Variants in ADAM10 observed in about 807,000 individuals in gnomAD.
ADAM10 encodes ADAM metallopeptidase domain 10, also known as disintegrin and metalloproteinase domain-containing protein 10.
A neutral mutation model predicts 90.1 loss-of-function variants in ADAM10; 17 were observed. The ratio of observed to expected loss-of-function variants is 0.19; its 90% CI spans 0.13 to 0.28. The LOEUF (loss-of-function observed/expected upper bound fraction) is 0.28, where lower values mean the gene tolerates loss of function less well. Among genes scored for constraint, ADAM10 ranks in the 10% least tolerant of loss-of-function variants. The probability of loss-of-function intolerance (pLI) is 1.00; values close to 1 mark genes in which losing one functional copy is unlikely to be tolerated. For missense variants in ADAM10, 610 were observed against 914.3 expected, an observed-to-expected ratio of 0.67 and a Z score of 4.29; for synonymous variants, 310 against 298.6, an observed-to-expected ratio of 1.04 and a Z score of -0.40.
chr15:58,657,083 G>C (rs1346257245), intron 5 of ADAM10, among the ~76,000 whole-genome samples: 1 of 152,042 alleles, frequency 6.6e-6, no homozygotes, highest in Admixed American at 6.5e-5. Context: ...CTCCATTGTA[G>C]GTTATTTGTT....
chr15:58,623,366 T>C (rs187154741), intron 10 of ADAM10, among the ~76,000 whole-genome samples: 162 of 152,280 alleles, frequency 1.1e-3, no homozygotes, highest in African/African-American at 3.7e-3. Flanking sequence ...CCCAGGGATG[T>C]TGCTGTGGAG....
At chr15:58,616,155 A>G (rs1388082653) in intron 11 of ADAM10, among the ~76,000 whole-genome samples, 1 of 152,260 alleles carries the variant, frequency 6.6e-6, no homozygotes, top group African/African-American at 2.4e-5. Flanking sequence ...AGATCTAAAG[A>G]GAGAGATCAA....
At chr15:58,613,170 G>A (rs758529147) in intron 11 of ADAM10, among the ~76,000 whole-genome samples, 43 of 152,282 alleles carry the variant, frequency 2.8e-4, no homozygotes, top group Admixed American at 1.0e-3. Flanking sequence ...AGACCACTGA[G>A]GTGCCTACAG....
At chr15:58,714,405 G>A (rs1365405224) in intron 2 of ADAM10, among the ~76,000 whole-genome samples, 1 of 151,726 alleles carries the variant, frequency 6.6e-6, no homozygotes, top group African/African-American at 2.4e-5. Flanking sequence ...TTCTTGGTAT[G>A]TCTAAGTTAA....
Position 58,633,097 on chromosome 15 carries a change from G to C in ADAM10, c.1176+99C>G, listed in dbSNP as rs138292960. Reference sequence around the variant, plus strand: ...GCTCTGACATAAAAACTAAACACTCGTAAGTACATTTGTTTTCACGGTGAA... The same window carrying C: ...GCTCTGACATAAAAACTAAACACTCCTAAGTACATTTGTTTTCACGGTGAA... On this transcript the variant is annotated intron_variant, in intron 9 of 15. Transcript: ENST00000260408. 256 of 1,171,642 alleles carry C rather than the reference G, an allele frequency of 2.2e-4. No homozygotes were observed. The African/African-American group carries it at 3.2e-3, about 15-fold the overall frequency. 72.6% of individuals were successfully genotyped at this position (1,171,642 alleles called of 1,614,324 possible).
chr15:58,614,330 A>G (rs1475043260), intron 11 of ADAM10, among the ~76,000 whole-genome samples: 1 of 151,902 alleles, frequency 6.6e-6, no homozygotes, highest in Non-Finnish European at 1.5e-5. Context: ...AAGAAAACCT[A>G]TTTATTAAAA....
chr15:58,652,483 T>C (rs1184477442), intron 5 of ADAM10, among the ~76,000 whole-genome samples: 3 of 152,212 alleles, frequency 2.0e-5, no homozygotes, highest in African/African-American at 7.2e-5. Flanking sequence ...CCCAGCACCA[T>C]TTATTGAAGA....
In ADAM10 at chr15:58,599,651, C is replaced by A. The variant is rs1895055572; in HGVS notation, c.2099G>T (p.Ser700Ile). Reference protein sequence around the residue: ...MLMAGFIKICSVHTPSSNPKL... With the variant: ...MLMAGFIKICIVHTPSSNPKL... ...TGGATTACTACTTGGAGTATGAACACTGCATATCTTAATAAATCCAGCCAT... is the reference window on the plus strand; with the variant it reads ...TGGATTACTACTTGGAGTATGAACAATGCATATCTTAATAAATCCAGCCAT... The change falls in exon 15 of 16, where the codon AGT (serine) becomes ATT (isoleucine). Residue 700 changes from serine to isoleucine, a missense_variant. Ser to Ile is a moderately radical substitution (Grantham distance 142). Transcript: ENST00000260408. 6.2e-7 allele frequency: 1 copy of A among 1,613,172 alleles called. No homozygotes were observed. The highest frequency in any genetic ancestry group is 8.5e-7 in the Non-Finnish European group (1 of 1,179,638).
At chr15:58,624,388 T>G (rs1046500836) in intron 10 of ADAM10, among the ~76,000 whole-genome samples, 11 of 152,240 alleles carry the variant, frequency 7.2e-5, no homozygotes, top group African/African-American at 2.7e-4. Flanking sequence ...ATTTTATAAT[T>G]CACATGACAC....
In ADAM10 at chr15:58,596,287, T is replaced by C. The variant is rs949822556; in HGVS notation, c.*1260A>G. 7 of 152,508 alleles carry C rather than the reference T, an allele frequency of 4.6e-5. No individual in the cohort carries two copies. Among genetic ancestry groups the C allele is most frequent in the Middle Eastern group, 3.4e-3 (1 of 294 alleles). 9.4% of individuals were successfully genotyped at this position (152,508 alleles called of 1,614,324 possible). On this transcript the variant is annotated 3_prime_UTR_variant, in exon 16 of 16. Coordinates refer to ENST00000260408, the MANE Select transcript of ADAM10 (RefSeq NM_001110.4). ...ATTTCCTGCATAGCAATAAGCCTGTTAATACATTAAATGTTTTTGCTTTCT... is the reference window on the plus strand; with the variant it reads ...ATTTCCTGCATAGCAATAAGCCTGTCAATACATTAAATGTTTTTGCTTTCT...
chr15:58,701,880 C>T (rs1466599099), intron 2 of ADAM10, among the ~76,000 whole-genome samples: 3 of 151,994 alleles, frequency 2.0e-5, no homozygotes, highest in Non-Finnish European at 2.9e-5. Flanking sequence ...ACGAGGTGGG[C>T]GGATCTCTCA....
intron 1 of ADAM10, among the ~76,000 whole-genome samples, chr15:58,719,097 G>A (rs1282672463): frequency 1.3e-5 from 2 of 152,220 alleles, no homozygotes; most frequent in African/African-American, 4.8e-5. Context: ...GCCGAGGCAG[G>A]TGGATCGCCT....
At chr15:58,699,103 C>G (rs1898059452) in intron 2 of ADAM10, among the ~76,000 whole-genome samples, 1 of 152,176 alleles carries the variant, frequency 6.6e-6, no homozygotes, top group Admixed American at 6.5e-5. Flanking sequence ...GCAGATTTCT[C>G]AGCAGAATCC....
At chr15:58,738,096 A>T (rs1403964743) in intron 1 of ADAM10, among the ~76,000 whole-genome samples, 5 of 152,346 alleles carry the variant, frequency 3.3e-5, no homozygotes, top group Middle Eastern at 3.4e-3. Context: ...GCATATTTGC[A>T]TTCCTCAAAA....
intron 10 of ADAM10, among the ~76,000 whole-genome samples, chr15:58,624,436 G>C (rs1451979975): frequency 6.6e-6 from 1 of 152,116 alleles, no homozygotes; most frequent in Non-Finnish European, 1.5e-5. Flanking sequence ...GTCAGAAAAT[G>C]TTACATACAT....
intron 13 of ADAM10, 69 bp from the exon 14 acceptor site, chr15:58,610,586 T>C: frequency 2.0e-6 from 3 of 1,482,472 alleles, no homozygotes; most frequent in Admixed American, 1.8e-5. Context: ...AGATTTCCAG[T>C]TGTGCAAATA....
intron 11 of ADAM10, among the ~76,000 whole-genome samples, chr15:58,613,108 G>A (rs1310449911): frequency 6.6e-6 from 1 of 152,104 alleles, no homozygotes; most frequent in African/African-American, 2.4e-5. Context: ...TGCCACTGAG[G>A]ACATTAACAA....
At chr15:58,614,887 A>T (rs1462848860) in intron 11 of ADAM10, among the ~76,000 whole-genome samples, 1 of 152,242 alleles carries the variant, frequency 6.6e-6, no homozygotes, top group African/African-American at 2.4e-5. Context: ...AATGAGAAAA[A>T]GAAGAGTCAA....
chr15:58,674,813 T>C (rs1012483079), intron 4 of ADAM10, among the ~76,000 whole-genome samples: 7 of 152,050 alleles, frequency 4.6e-5, no homozygotes, highest in African/African-American at 1.7e-4. Context: ...GGTCTTCCCA[T>C]TGAAGCACAA....
Sources: allele counts gnomAD v4.1 joint callset (sites outside exome capture counted in the v4.1 genomes callset), GRCh38; gene constraint gnomAD v4.1.1; transcripts MANE v1.5; gene names NCBI Gene and HGNC (gene_info 2026-07-23, HGNC 2026-07-21).